Variants in THSD7B observed in about 807,000 individuals in gnomAD.
The protein encoded by THSD7B is thrombospondin type 1 domain containing 7B.
THSD7B carries 138 observed loss-of-function variants against 213.6 expected under a neutral mutation model. The ratio of observed to expected loss-of-function variants is 0.65; its 90% CI spans 0.56 to 0.74. The LOEUF (loss-of-function observed/expected upper bound fraction) is 0.74. Among genes scored for constraint, THSD7B ranks in the 30% least tolerant of loss-of-function variants. THSD7B has a pLI of 0.00. For missense variants in THSD7B, 1,931 were observed against 1,991.5 expected (o/e 0.97, Z 0.58); for synonymous variants, 742 against 687.0 (o/e 1.08, Z -1.25).
intron 2 of THSD7B, among the ~76,000 whole-genome samples, chr2:136,957,238 A>G (rs1573733342): frequency 2.0e-5 from 3 of 151,994 alleles, no homozygotes; most frequent in African/African-American, 7.3e-5. Flanking sequence ...CATTTCTTCC[A>G]CCAAGGATTG....
rs116067048 is a variant in THSD7B, at chr2:137,141,072, C to G, written c.1370-19141C>G. On this transcript the variant is annotated intron_variant, in intron 5 of 27. Coordinates refer to ENST00000409968, the MANE Select transcript of THSD7B (RefSeq NM_001316349.2). ...AGGGCAAGAGGGTTCCTGGAATGTT[C>G]CCCAAGGAGGGTTTCTCACATGGAG... 2.8e-3 allele frequency among the ~76,000 whole-genome samples: 421 copies of G among 152,210 alleles called. 2 individuals are homozygous for G. The highest frequency in any genetic ancestry group is 4.6e-3 in the Non-Finnish European group (313 of 68,000).
chr2:137,048,189 G>C (rs1358653870), intron 2 of THSD7B, among the ~76,000 whole-genome samples: 2 of 151,816 alleles, frequency 1.3e-5, no homozygotes, highest in Admixed American at 6.6e-5. Context: ...TGGGAAGAAA[G>C]GAGAAAAGAA....
At chr2:136,919,409 C>A (rs1684398566) in intron 2 of THSD7B, among the ~76,000 whole-genome samples, 1 of 152,146 alleles carries the variant, frequency 6.6e-6, no homozygotes, top group Non-Finnish European at 1.5e-5. Context: ...TTTGGGAGAC[C>A]AGCTTGCTTC....
intron 14 of THSD7B, among the ~76,000 whole-genome samples, chr2:137,420,936 G>T (rs143137238): frequency 1.4e-4 from 21 of 152,262 alleles, no homozygotes; most frequent in African/African-American, 4.6e-4. Context: ...TTCTAGAGTT[G>T]CATTCCTTGC....
intron 1 of THSD7B, among the ~76,000 whole-genome samples, chr2:136,818,479 A>T (rs1026430089): frequency 6.6e-6 from 1 of 151,634 alleles, no homozygotes; most frequent in Non-Finnish European, 1.5e-5. Flanking sequence ...GTGCACCAGC[A>T]TGGCACATGT....
chr2:137,671,512 AC>A (rs1558878963), intron 27 of THSD7B, among the ~76,000 whole-genome samples: 2 of 143,616 alleles, frequency 1.4e-5, no homozygotes, highest in African/African-American at 5.1e-5. Context: ...TTACTTACTT[AC>A]AATCATGGCC....
Position 137,411,725 on chromosome 2 carries a change from A to G in THSD7B, c.2812A>G (p.Ile938Val). 1 of 1,613,966 alleles carries G rather than the reference A, an allele frequency of 6.2e-7. No homozygotes were observed. Residue 938 changes from isoleucine to valine, a missense_variant, in exon 14 of 28, where the codon ATT becomes GTT. Transcript: ENST00000409968. Reference sequence around the variant, plus strand: ...ACCTTATGGAAACTGGTCAGATTGCATTCTTCCAGAAGGCAGAAGGGAGCC... The same window carrying G: ...ACCTTATGGAAACTGGTCAGATTGCGTTCTTCCAGAAGGCAGAAGGGAGCC... ...SQPYGNWSDC[I>V]LPEGRREPHR...
intron 10 of THSD7B, among the ~76,000 whole-genome samples, chr2:137,265,039 C>T (rs532222259): frequency 1.6e-4 from 25 of 152,146 alleles, no homozygotes; most frequent in East Asian, 1.2e-3. Flanking sequence ...CATGTGTTCT[C>T]ATTGTTCAAT....
At chr2:137,232,378 G>A (rs1387142553) in intron 8 of THSD7B, among the ~76,000 whole-genome samples, 1 of 152,048 alleles carries the variant, frequency 6.6e-6, no homozygotes, top group Non-Finnish European at 1.5e-5. Flanking sequence ...GATATTTCTG[G>A]ATTTCTCAAA....
In THSD7B at chr2:137,050,253, C is replaced by G. The variant is rs148678635; in HGVS notation, c.140-6167C>G. 6.8e-3 allele frequency among the ~76,000 whole-genome samples: 1,038 copies of G among 152,172 alleles called. 12 individuals are homozygous for G. Among genetic ancestry groups the G allele is most frequent in the African/African-American group, 0.024 (992 of 41,506 alleles). ...AATTTTTAGAAAGTAGCATTCAAACCAGAAATATTGATAAACAATTTTTAA... is the reference window on the plus strand; with the variant it reads ...AATTTTTAGAAAGTAGCATTCAAACGAGAAATATTGATAAACAATTTTTAA... On this transcript the variant is annotated intron_variant, in intron 2 of 27. Transcript: ENST00000409968.
chr2:137,180,861 A>G (rs1680440043), intron 7 of THSD7B, among the ~76,000 whole-genome samples: 1 of 152,200 alleles, frequency 6.6e-6, no homozygotes, highest in Non-Finnish European at 1.5e-5. Context: ...GTAAAGTCCA[A>G]CTTGGCCTGA....
chr2:136,843,456 T>C (rs1682950221), intron 1 of THSD7B, among the ~76,000 whole-genome samples: 1 of 152,162 alleles, frequency 6.6e-6, no homozygotes, highest in Non-Finnish European at 1.5e-5. Context: ...AGGGAAGCCA[T>C]TAAAATGGAG....
chr2:136,872,381 T>G (rs537530818), intron 1 of THSD7B, among the ~76,000 whole-genome samples: 1 of 24,534 alleles, frequency 4.1e-5, no homozygotes, highest in Non-Finnish European at 7.8e-5. Context: ...CATACTTTTT[T>G]CGGGGGGGTG....
intron 2 of THSD7B, among the ~76,000 whole-genome samples, chr2:136,966,893 C>A (rs184016661): frequency 6.6e-6 from 1 of 152,138 alleles, no homozygotes; most frequent in Non-Finnish European, 1.5e-5. Flanking sequence ...CTTTCTTTCA[C>A]GTAGAAAGTC....
At chr2:137,130,741 G>A (rs913063446) in intron 5 of THSD7B, among the ~76,000 whole-genome samples, 2 of 146,064 alleles carry the variant, frequency 1.4e-5, no homozygotes, top group Non-Finnish European at 3.0e-5. Flanking sequence ...GTATTCCATG[G>A]TGTATATGTG....
chr2:137,268,395 C>T (rs1682652121), intron 10 of THSD7B, among the ~76,000 whole-genome samples: 2 of 146,186 alleles, frequency 1.4e-5, no homozygotes, highest in South Asian at 4.4e-4. Context: ...TGAGTGAGAA[C>T]ATGCAGTGTT....
intron 15 of THSD7B, among the ~76,000 whole-genome samples, chr2:137,490,860 C>T (rs1206566105): frequency 6.6e-6 from 1 of 152,160 alleles, no homozygotes; most frequent in Non-Finnish European, 1.5e-5. Context: ...ATTTTAATTA[C>T]GAAGACAATT....
intron 15 of THSD7B, among the ~76,000 whole-genome samples, chr2:137,549,264 C>G (rs143994656): frequency 6.8e-6 from 1 of 147,076 alleles, no homozygotes; most frequent in Non-Finnish European, 1.5e-5. Flanking sequence ...CTTGTAGAAC[C>G]TTTGCTGCCT....
chr2:137,456,920 G>A (rs2081047472), intron 15 of THSD7B, among the ~76,000 whole-genome samples: 1 of 152,152 alleles, frequency 6.6e-6, no homozygotes, highest in South Asian at 2.1e-4. Flanking sequence ...ATATAAGCTG[G>A]TGTTCTTCCA....
Sources: gnomAD v4.1 joint callset for allele counts (sites outside exome capture counted in the v4.1 genomes callset) on GRCh38, gnomAD v4.1.1 for gene constraint, MANE v1.5 for transcripts, NCBI Gene and HGNC (gene_info 2026-07-23, HGNC 2026-07-21) for gene names.